The following MED13 variants were observed in gnomAD, a reference collection of about 807,000 sequenced individuals.
The protein encoded by MED13 is mediator complex subunit 13.
A neutral mutation model predicts 225.2 loss-of-function variants in MED13; 23 were observed. That is an observed-to-expected ratio of 0.10 (90% CI 0.07 to 0.14). The LOEUF is 0.14. Among genes scored for constraint, MED13 ranks in the 10% least tolerant of loss-of-function variants. MED13 has a pLI of 1.00. For missense variants in MED13, 2,197 were observed against 2,594.5 expected, an observed-to-expected ratio of 0.85 and a Z score of 3.33; for synonymous variants, 942 against 889.2, an observed-to-expected ratio of 1.06 and a Z score of -1.06.
At chr17:61,963,057 T>C in intron 20 of MED13, 86 bp from the exon 21 acceptor site, 1 of 1,076,306 alleles carries the variant, frequency 9.3e-7, no homozygotes, top group Non-Finnish European at 1.4e-6. Flanking sequence ...ATCCCCCTCC[T>C]CCCTCTTTTT....
chr17:62,014,244 GC>G (rs1171946624), intron 8 of MED13, among the ~76,000 whole-genome samples: 1 of 151,280 alleles, frequency 6.6e-6, no homozygotes, highest in Non-Finnish European at 1.5e-5. Context: ...AAGTAATCAA[GC>G]CCCCAGATCA....
rs2079844240 is a variant in MED13 at position 61,945,342 on chromosome 17, G to A, written c.*1126C>T. 3 of 152,164 alleles carry A rather than the reference G, an allele frequency of 2.0e-5. No individual in the cohort carries two copies. The highest frequency in any genetic ancestry group is 6.6e-5 in the Admixed American group (1 of 15,236). The allele number at this position is 152,164 out of a possible 1,614,324, so 9.4% of individuals were successfully genotyped here. On this transcript the variant is annotated 3_prime_UTR_variant, in exon 30 of 30. Transcript: ENST00000397786. ...AAAAATAATTTGTAAAATGCCTAGAGCTGGGCTAAATTTCAACCTTATAGC... is the reference window on the plus strand; with the variant it reads ...AAAAATAATTTGTAAAATGCCTAGAACTGGGCTAAATTTCAACCTTATAGC...
chr17:61,994,721 T>G (rs8082599), intron 10 of MED13, among the ~76,000 whole-genome samples: 133 of 152,346 alleles, frequency 8.7e-4, no homozygotes, highest in Non-Finnish European at 1.5e-3. Context: ...TTTCTTTTTT[T>G]CTTTTTGAGA....
At chr17:62,036,090 C>CTT (rs199531154) in intron 3 of MED13, among the ~76,000 whole-genome samples, 22 of 136,952 alleles carry the variant, frequency 1.6e-4, no homozygotes, top group East Asian at 1.4e-3. Flanking sequence ...GTACCCAGCT[C>CTT]TTTTTTTTTT....
At chr17:62,063,359 C>T (rs1449187794) in intron 1 of MED13, 58 bp from the exon 2 acceptor site, 1 of 1,098,548 alleles carries the variant, frequency 9.1e-7, no homozygotes, top group Non-Finnish European at 1.4e-6. Context: ...GTCAAAAGTA[C>T]TCAATATGAT....
chr17:62,046,483 T>C (rs754846852), intron 3 of MED13, among the ~76,000 whole-genome samples: 1 of 152,336 alleles, frequency 6.6e-6, no homozygotes, highest in Admixed American at 6.5e-5. Flanking sequence ...AAAACACTAG[T>C]GCTCAATTAC....
At chr17:61,991,990 G>A (rs528792654) in intron 11 of MED13, among the ~76,000 whole-genome samples, 8 of 152,204 alleles carry the variant, frequency 5.3e-5, no homozygotes, top group Non-Finnish European at 1.2e-4. Context: ...GGTATGAAGA[G>A]AACTGATAGT....
rs373836929 is a variant in MED13 at position 62,025,704 on chromosome 17, ACAGG to A, written c.1283+3833_1283+3836del. ...ATTTTCAGCTTACAGGCCATACAAA[ACAGG>A]CAGTGGGCCAAATATGGCGAATTCA... On this transcript the variant is annotated intron_variant, in intron 8 of 29. Coordinates refer to ENST00000397786, the MANE Select transcript of MED13 (RefSeq NM_005121.3). Among the ~76,000 whole-genome samples the A allele has an allele frequency of 5.6e-4, 86 of 152,340 alleles. 1 individual carries two copies. In the South Asian group the frequency reaches 0.017, roughly 29 times the overall value.
chr17:62,041,184 G>A lies in MED13; in HGVS notation c.471-5576C>T, dbSNP rs566883709. On this transcript the variant is annotated intron_variant, in intron 3 of 29. Transcript: ENST00000397786. ...ACAAAATGTAGTATATACATACAAC[G>A]GAATACTATTCAGCCTTAAAAATAA... is the stretch of plus-strand genomic sequence containing the variant. Among the ~76,000 whole-genome samples the A allele has an allele frequency of 2.6e-5, 4 of 152,214 alleles. No homozygotes were observed. In the East Asian group the frequency reaches 5.8e-4, roughly 22 times the overall value.
chr17:62,019,956 G>A (rs2080622644), intron 8 of MED13, among the ~76,000 whole-genome samples: 1 of 151,982 alleles, frequency 6.6e-6, no homozygotes, highest in Admixed American at 6.6e-5. Context: ...GCGTTAGCCA[G>A]GATGGTCTCG....
chr17:61,994,204 G>A (rs967242098), intron 10 of MED13, among the ~76,000 whole-genome samples: 69 of 151,966 alleles, frequency 4.5e-4, no homozygotes, highest in African/African-American at 1.6e-3. Flanking sequence ...TCACCATCTT[G>A]GCCAGGCTGC....
intron 9 of MED13, 74 bp downstream of exon 9, chr17:62,010,476 T>TG (rs770156073): frequency 1.1e-6 from 1 of 908,170 alleles, no homozygotes; most frequent in African/African-American, 1.7e-5. Context: ...AATCCAATAC[T>TG]GAGTCCTAGT....
chr17:61,978,396 C>T (rs557205331), intron 16 of MED13, among the ~76,000 whole-genome samples: 2 of 152,232 alleles, frequency 1.3e-5, no homozygotes, highest in Admixed American at 6.5e-5. Flanking sequence ...GGATTATAGG[C>T]ATGCGCCACC....
chr17:62,013,821 A>T (rs1042993257), intron 8 of MED13, among the ~76,000 whole-genome samples: 1 of 152,138 alleles, frequency 6.6e-6, no homozygotes, highest in African/African-American at 2.4e-5. Flanking sequence ...TAGGTGGATC[A>T]TGAAGTCAGG....
intron 3 of MED13, among the ~76,000 whole-genome samples, chr17:62,047,849 C>A (rs542911957): frequency 4.0e-5 from 6 of 151,554 alleles, no homozygotes; most frequent in Non-Finnish European, 7.4e-5. Flanking sequence ...CACCTCGGCC[C>A]CTTAGTGGTG....
At chr17:62,058,316 C>A (rs910265284) in intron 2 of MED13, among the ~76,000 whole-genome samples, 1 of 152,036 alleles carries the variant, frequency 6.6e-6, no homozygotes, top group Non-Finnish European at 1.5e-5. Flanking sequence ...GAGTTCCAGA[C>A]CAGCCTGGCC....
chr17:61,977,582 G>A (rs2080168286), intron 16 of MED13, among the ~76,000 whole-genome samples: 1 of 152,124 alleles, frequency 6.6e-6, no homozygotes, highest in Non-Finnish European at 1.5e-5. Context: ...CTCCCGAGTA[G>A]CTGGGACTAC....
intron 2 of MED13, among the ~76,000 whole-genome samples, chr17:62,060,921 A>G (rs982001977): frequency 3.3e-5 from 5 of 151,894 alleles, no homozygotes; most frequent in African/African-American, 1.2e-4. Context: ...GATGGTCTCT[A>G]TCTCCTGACC....
At chr17:62,061,674 G>A (rs541356484) in intron 2 of MED13, among the ~76,000 whole-genome samples, 27 of 152,108 alleles carry the variant, frequency 1.8e-4, no homozygotes, top group Non-Finnish European at 2.8e-4. Context: ...CCAAAACAAT[G>A]AAAGAAAAAG....
Sources: allele counts gnomAD v4.1 joint callset (sites outside exome capture counted in the v4.1 genomes callset), GRCh38; gene constraint gnomAD v4.1.1; transcripts MANE v1.5; gene names NCBI Gene and HGNC (gene_info 2026-07-23, HGNC 2026-07-21).